CHN1: variants seen among roughly 807,000 people sequenced by gnomAD.
CHN1 encodes the protein N-chimaerin.
A neutral mutation model predicts 59.5 loss-of-function variants in CHN1; 37 were observed. The observed-to-expected ratio is 0.62, with a 90% CI of 0.48 to 0.82. The LOEUF (loss-of-function observed/expected upper bound fraction) is 0.82. CHN1 is among the 40% of genes least tolerant of loss of function. The pLI, the probability that CHN1 is intolerant of heterozygous loss-of-function variation, is 0.00. For missense variants in CHN1, 469 were observed against 571.0 expected (o/e 0.82, Z 1.82); for synonymous variants, 206 against 200.4 (o/e 1.03, Z -0.24).
At chr2:174,852,205 C>T (rs183554811) in intron 6 of CHN1, among the ~76,000 whole-genome samples, 39 of 152,126 alleles carry the variant, frequency 2.6e-4, no homozygotes, top group South Asian at 2.1e-4. Context: ...AGGAGAATCA[C>T]GTGAACCTGG....
chr2:174,981,222 T>A (rs1691137722), intron 1 of CHN1, among the ~76,000 whole-genome samples: 1 of 152,178 alleles, frequency 6.6e-6, no homozygotes, highest in Non-Finnish European at 1.5e-5. Flanking sequence ...AATATTGATG[T>A]AGACATGTCA....
At chr2:174,859,545 C>T (rs1385130435) in intron 6 of CHN1, among the ~76,000 whole-genome samples, 1 of 152,188 alleles carries the variant, frequency 6.6e-6, no homozygotes, top group Non-Finnish European at 1.5e-5. Flanking sequence ...TCCAGGCACA[C>T]TTTTACACTG....
At chr2:174,859,006 A>ACACACACACG (rs1250530067) in intron 6 of CHN1, among the ~76,000 whole-genome samples, 12 of 151,886 alleles carry the variant, frequency 7.9e-5, no homozygotes, top group African/African-American at 2.9e-4. Context: ...ACACACACAC[A>ACACACACACG]CACACACAAA....
chr2:174,915,197 C>T (rs753800583), intron 4 of CHN1, 26 bp from the exon 5 acceptor site: 80 of 1,527,666 alleles, frequency 5.2e-5, no homozygotes, highest in Admixed American at 1.6e-4. Flanking sequence ...TATTCAGAAA[C>T]TGTGCTTTCT....
chr2:174,945,942 T>A (rs192511909), intron 2 of CHN1, among the ~76,000 whole-genome samples: 4,065 of 151,598 alleles, frequency 0.027, 89 homozygotes, highest in Admixed American at 0.083. Context: ...TATATATATA[T>A]AAATGTGTGT....
chr2:174,910,465 T>C (rs1688663246), intron 5 of CHN1, among the ~76,000 whole-genome samples: 1 of 152,088 alleles, frequency 6.6e-6, no homozygotes, highest in African/African-American at 2.4e-5. Flanking sequence ...ATGGATGACT[T>C]AGGAGAAATA....
intron 4 of CHN1, among the ~76,000 whole-genome samples, chr2:174,917,932 G>C (rs1384362206): frequency 6.6e-6 from 1 of 151,880 alleles, no homozygotes; most frequent in Non-Finnish European, 1.5e-5. Flanking sequence ...AAAAATCATT[G>C]CATTTTTCAC....
At chr2:174,853,109 G>A (rs560454070) in intron 6 of CHN1, among the ~76,000 whole-genome samples, 2 of 152,212 alleles carry the variant, frequency 1.3e-5, no homozygotes, top group South Asian at 2.1e-4. Context: ...TAATTCAACC[G>A]AAGAGCTTGT....
rs947383246 is a variant in CHN1 at position 174,908,537 on chromosome 2, A to G, written c.260+6521T>C. On this transcript the variant is annotated intron_variant, in intron 5 of 12. Transcript: ENST00000409900. ...AAATTTCCCATACTCCCAGTCCCTC[A>G]GCAGACTGCCATACACGAAATGCTC... Among the ~76,000 whole-genome samples the G allele has an allele frequency of 3.3e-5, 5 of 152,328 alleles. 1 individual carries two copies. The highest frequency in any genetic ancestry group is 1.2e-4 in the African/African-American group (5 of 41,582).
intron 8 of CHN1, among the ~76,000 whole-genome samples, chr2:174,814,342 C>G (rs1402684518): frequency 6.6e-6 from 1 of 152,218 alleles, no homozygotes; most frequent in African/African-American, 2.4e-5. Context: ...CATTAATGTC[C>G]AAATGACTTC....
intron 5 of CHN1, among the ~76,000 whole-genome samples, chr2:174,905,119 TA>T (rs535849980): frequency 1.4e-3 from 220 of 152,144 alleles, no homozygotes; most frequent in African/African-American, 5.1e-3. Flanking sequence ...TTAAGTCCAT[TA>T]AAAAAAATTT....
intron 5 of CHN1, among the ~76,000 whole-genome samples, chr2:174,889,679 A>G (rs769094386): frequency 6.6e-6 from 1 of 152,168 alleles, no homozygotes; most frequent in African/African-American, 2.4e-5. Context: ...CTCAAAGAAT[A>G]AAGAGAAAAA....
intron 5 of CHN1, among the ~76,000 whole-genome samples, chr2:174,878,714 A>T (rs1489315562): frequency 6.6e-6 from 1 of 152,224 alleles, no homozygotes; most frequent in African/African-American, 2.4e-5. Context: ...CCAAGGACTT[A>T]TTCTTTCGTT....
At chr2:174,925,571 CTT>C (rs755518090) in intron 3 of CHN1, among the ~76,000 whole-genome samples, 1 of 152,178 alleles carries the variant, frequency 6.6e-6, no homozygotes, top group Non-Finnish European at 1.5e-5. Flanking sequence ...CATTTACCAT[CTT>C]TTCTCTCCAA....
At chr2:174,964,584 G>C (rs759609191) in intron 1 of CHN1, among the ~76,000 whole-genome samples, 1 of 152,106 alleles carries the variant, frequency 6.6e-6, no homozygotes, top group Middle Eastern at 3.2e-3. Context: ...TTAAAAATCA[G>C]CTATAGCTTT....
chr2:175,005,121 C>T lies in CHN1; in HGVS notation c.-209G>A. On this transcript the variant is annotated 5_prime_UTR_variant, in exon 1 of 13. Coordinates refer to ENST00000409900, the MANE Select transcript of CHN1 (RefSeq NM_001822.7). ...ATTCACGCGTTATTGTCGGGCGCAC[C>T]GGGCCCAGGGAGCCCCGCTAGCTCT... 3 of 1,316,284 alleles carry T rather than the reference C, an allele frequency of 2.3e-6. No individual in the cohort carries two copies. Among genetic ancestry groups the T allele is most frequent in the East Asian group, 3.3e-5 (1 of 30,468 alleles). 81.5% of individuals were successfully genotyped at this position (1,316,284 alleles called of 1,614,324 possible). A position where few individuals can be genotyped will look rare whatever the true frequency, so the allele number is the denominator to read the frequency against.
At chr2:174,944,810 C>G in intron 3 of CHN1, 78 bp downstream of exon 3, 3 of 969,152 alleles carry the variant, frequency 3.1e-6, no homozygotes, top group Non-Finnish European at 4.8e-6. Flanking sequence ...CACAAACAAC[C>G]AAGCCACTGA....
chr2:175,003,110 G>T (rs72923200), intron 1 of CHN1, among the ~76,000 whole-genome samples: 1 of 152,148 alleles, frequency 6.6e-6, no homozygotes, highest in East Asian at 1.9e-4. Flanking sequence ...ATTTTTAATA[G>T]ACATCCCAGA....
intron 7 of CHN1, among the ~76,000 whole-genome samples, chr2:174,830,167 A>T (rs1685826319): frequency 6.6e-6 from 1 of 152,200 alleles, no homozygotes; most frequent in Admixed American, 6.5e-5. Context: ...CAGGAGGCGG[A>T]GCTTGCAGTG....
Sources: gnomAD v4.1 joint callset for allele counts (sites outside exome capture counted in the v4.1 genomes callset) on GRCh38, gnomAD v4.1.1 for gene constraint, MANE v1.5 for transcripts, NCBI Gene and HGNC (gene_info 2026-07-23, HGNC 2026-07-21) for gene names.